Variants in CCDC85C observed in about 807,000 individuals in gnomAD.
CCDC85C encodes the protein coiled-coil domain containing 85C.
Under a neutral mutation model 38.3 loss-of-function variants are expected in CCDC85C, and 18 were observed. The ratio of observed to expected loss-of-function variants is 0.47; its 90% CI spans 0.33 to 0.70. The LOEUF (loss-of-function observed/expected upper bound fraction) is 0.70, where lower values mean the gene tolerates loss of function less well. Among genes scored for constraint, CCDC85C ranks in the 30% least tolerant of loss-of-function variants. The pLI is 0.03. For missense variants in CCDC85C, 566 were observed against 621.2 expected (o/e 0.91, Z 0.94); for synonymous variants, 264 against 293.8 (o/e 0.90, Z 1.04).
intron 2 of CCDC85C, among the ~76,000 whole-genome samples, chr14:99,528,376 G>C (rs1014511791): frequency 1.3e-5 from 2 of 152,222 alleles, no homozygotes; most frequent in African/African-American, 4.8e-5. Context: ...AGCCGGAGTG[G>C]TTTTCCCACA....
At chr14:99,536,553 G>A (rs1011129557) in intron 1 of CCDC85C, among the ~76,000 whole-genome samples, 1 of 152,216 alleles carries the variant, frequency 6.6e-6, no homozygotes, top group Non-Finnish European at 1.5e-5. Context: ...TCTACACAGT[G>A]GGGAAACAGA....
At chr14:99,531,499 G>A (rs1897492271) in intron 2 of CCDC85C, among the ~76,000 whole-genome samples, 1 of 148,914 alleles carries the variant, frequency 6.7e-6, no homozygotes, top group African/African-American at 2.5e-5. Context: ...AAGAAAATAC[G>A]AACAGCAATA....
At position 99,578,343 on chromosome 14, in the gene CCDC85C, C is replaced by T. The variant is rs559941567; in HGVS notation, c.793+24824G>A. 6.0e-5 allele frequency among the ~76,000 whole-genome samples: 9 copies of T among 149,226 alleles called. No homozygotes were observed. In the East Asian group the frequency reaches 1.6e-3, roughly 26 times the overall value. ...TGTGTGTGTGTGTGTGTGTACACATCTCCACACCCATACAGCCCGTCCTGT... is the reference window on the plus strand; with the variant it reads ...TGTGTGTGTGTGTGTGTGTACACATTTCCACACCCATACAGCCCGTCCTGT... On this transcript the variant is annotated intron_variant, in intron 1 of 5. Transcript: ENST00000380243.
In CCDC85C at chr14:99,516,680, C is replaced by T. The variant is rs1897231208; in HGVS notation, c.1072-394G>A. On this transcript the variant is annotated intron_variant, in intron 4 of 5. Coordinates refer to ENST00000380243, the MANE Select transcript of CCDC85C (RefSeq NM_001144995.2). This position sits in a 1 kb window ranked among gnomAD's most constrained non-coding sequence, Gnocchi z 5.5. ...GGCACGTACGTAGGAGGAAGGGGGG[C>T]ATGGGAGTGGGGACTGTGCTCAGGT... Among the ~76,000 whole-genome samples the T allele has an allele frequency of 6.6e-6, 1 of 152,008 alleles. No homozygotes were observed. The highest frequency in any genetic ancestry group is 2.4e-5 in the African/African-American group (1 of 41,376).
intron 1 of CCDC85C, among the ~76,000 whole-genome samples, chr14:99,594,117 A>G (rs189390518): frequency 1.8e-4 from 27 of 152,222 alleles, no homozygotes; most frequent in Non-Finnish European, 3.7e-4. Context: ...GTCAACCACT[A>G]TCTGGCACCT....
intron 1 of CCDC85C, among the ~76,000 whole-genome samples, chr14:99,562,679 G>A (rs1303001072): frequency 3.9e-5 from 6 of 152,112 alleles, no homozygotes; most frequent in South Asian, 4.1e-4. Context: ...GGTTCTCACG[G>A]AAACAGAAGG....
chr14:99,579,804 C>A (rs2054945575), intron 1 of CCDC85C, among the ~76,000 whole-genome samples: 1 of 152,108 alleles, frequency 6.6e-6, no homozygotes, highest in Non-Finnish European at 1.5e-5. Flanking sequence ...CCCCATCCCA[C>A]TCAGGAGTGG....
At position 99,522,197 on chromosome 14, in the gene CCDC85C, G is replaced by A. The variant is rs983717201; in HGVS notation, c.911C>T (p.Ser304Leu). Residue 304 changes from serine (S) to leucine (L), a missense_variant, in exon 3 of 6, where the codon TCG (serine) becomes TTG (leucine). By Grantham distance (145) the Ser-to-Leu change is moderately radical (BLOSUM62 -2). Transcript: ENST00000380243. Reference sequence around the variant, plus strand: ...AAGCTGGGACTCCGAGTGGTAGGGCGAGAAGCCTTTCCGCAGCGTGCGGAA... The same window carrying A: ...AAGCTGGGACTCCGAGTGGTAGGGCAAGAAGCCTTTCCGCAGCGTGCGGAA... ...GEFRTLRKGFSPYHSESQLAS... is the reference protein window; with the variant it reads ...GEFRTLRKGFLPYHSESQLAS... The A allele has an allele frequency of 6.4e-6, 10 of 1,550,622 alleles. No homozygotes were observed. The highest frequency in any genetic ancestry group is 2.7e-5 in the African/African-American group (2 of 73,072).
chr14:99,599,284 C>T (rs563293525), intron 1 of CCDC85C, among the ~76,000 whole-genome samples: 133 of 152,176 alleles, frequency 8.7e-4, no homozygotes, highest in African/African-American at 3.2e-3. Flanking sequence ...CATGCACAGG[C>T]TTGCTAGAAT....
At chr14:99,601,629 GC>G (rs1421967150) in intron 1 of CCDC85C, among the ~76,000 whole-genome samples, 2 of 152,080 alleles carry the variant, frequency 1.3e-5, no homozygotes, top group Non-Finnish European at 2.9e-5. Context: ...CCCCTCAAAA[GC>G]CCCCAGGACG....
intron 1 of CCDC85C, among the ~76,000 whole-genome samples, chr14:99,590,088 A>G (rs916596202): frequency 2.0e-5 from 3 of 152,226 alleles, no homozygotes; most frequent in African/African-American, 4.8e-5. Flanking sequence ...ACCAGCCCTC[A>G]TGGGGGACAA....
At chr14:99,531,800 T>A (rs1897499481) in intron 2 of CCDC85C, among the ~76,000 whole-genome samples, 1 of 152,150 alleles carries the variant, frequency 6.6e-6, no homozygotes. Flanking sequence ...TCACAGAATC[T>A]CACGAGCCAG....
intron 1 of CCDC85C, among the ~76,000 whole-genome samples, chr14:99,540,775 G>A (rs1459162979): frequency 2.6e-5 from 4 of 152,288 alleles, no homozygotes; most frequent in Non-Finnish European, 2.9e-5. Context: ...CCCTCACCCC[G>A]CCCTCTTCAT....
At chr14:99,554,484 T>C (rs1253825477) in intron 1 of CCDC85C, among the ~76,000 whole-genome samples, 1 of 152,216 alleles carries the variant, frequency 6.6e-6, no homozygotes. Context: ...GCCCCAGCTG[T>C]GGCAGGCGGG....
intron 1 of CCDC85C, among the ~76,000 whole-genome samples, chr14:99,593,128 T>G (rs997657650): frequency 6.6e-6 from 1 of 152,226 alleles, no homozygotes; most frequent in African/African-American, 2.4e-5. Flanking sequence ...GCCGGTGCCG[T>G]GCGCGGTGAC....
rs150604871 is a variant in CCDC85C, at chr14:99,555,609, C to T, written c.794-19521G>A. ...TAAAAAGGCATCCATACATAGCTCA[C>T]TGAGGGAAAGGGGAAGCGGCCCTCC... On this transcript the variant is annotated intron_variant, in intron 1 of 5. Coordinates refer to ENST00000380243, the MANE Select transcript of CCDC85C (RefSeq NM_001144995.2). Among the ~76,000 whole-genome samples, 765 of 152,314 alleles carry T rather than the reference C, an allele frequency of 5.0e-3. 7 individuals carry two copies. Among genetic ancestry groups the T allele is most frequent in the Non-Finnish European group, 8.6e-3 (585 of 68,032 alleles).
chr14:99,510,801 CTT>C lies in CCDC85C; in HGVS notation c.*4443_*4444del, dbSNP rs769954154. ...GAGATAACGTGAGCCTTTTTTCCCT[CTT>C]TGTTTTTTTAACAAGATTTTCTAAT... On this transcript the variant is annotated 3_prime_UTR_variant, in exon 6 of 6. Transcript: ENST00000380243. 29 of 1,412,328 alleles carry C rather than the reference CTT, an allele frequency of 2.1e-5. No individual in the cohort carries two copies. The highest frequency in any genetic ancestry group is 1.5e-4 in the African/African-American group (10 of 68,036). 87.5% of individuals were successfully genotyped at this position (1,412,328 alleles called of 1,614,324 possible).
rs1011345601 is a variant in CCDC85C, at chr14:99,577,664, C to T, written c.793+25503G>A. Among the ~76,000 whole-genome samples the T allele has an allele frequency of 4.0e-5, 6 of 151,622 alleles. No homozygotes were observed. In the East Asian group the frequency reaches 1.2e-3, roughly 30 times the overall value. ...TGTATCCATGCCCATACAGCCCGTC[C>T]TGCATCCCCCATCAGTGTGTGTGTG... On this transcript the variant is annotated intron_variant, in intron 1 of 5. Coordinates refer to ENST00000380243, the MANE Select transcript of CCDC85C (RefSeq NM_001144995.2).
At chr14:99,568,489 G>T (rs1273676984) in intron 1 of CCDC85C, among the ~76,000 whole-genome samples, 1 of 151,992 alleles carries the variant, frequency 6.6e-6, no homozygotes, top group African/African-American at 2.4e-5. Context: ...TTCCTTGGGG[G>T]GTGGGAGGCA....
Sources: gnomAD v4.1 joint callset for allele counts (sites outside exome capture counted in the v4.1 genomes callset) on GRCh38, gnomAD v4.1.1 for gene constraint, Gnocchi (gnomAD v3.1) non-coding constraint, MANE v1.5 for transcripts, NCBI Gene and HGNC (gene_info 2026-07-23, HGNC 2026-07-21) for gene names.